ATG5: variants seen among roughly 807,000 people sequenced by gnomAD.
The protein encoded by ATG5 is autophagy related 5.
ATG5 carries 14 observed loss-of-function variants against 36.5 expected under a neutral mutation model. That is an observed-to-expected ratio of 0.38 (90% CI 0.25 to 0.60). The LOEUF (loss-of-function observed/expected upper bound fraction) is 0.60, where lower values mean the gene tolerates loss of function less well. ATG5 is among the 20% of genes least tolerant of loss of function. ATG5 has a pLI of 0.60. For synonymous variants in ATG5, 95 were observed against 101.5 expected (o/e 0.94, Z 0.38); for missense variants, 195 against 326.7 (o/e 0.60, Z 3.11).
chr6:106,210,049 T>A (rs936770915), intron 6 of ATG5, among the ~76,000 whole-genome samples: 1 of 152,202 alleles, frequency 6.6e-6, no homozygotes, highest in African/African-American at 2.4e-5. Context: ...GAAGCACTAG[T>A]CTACAACAAT....
intron 3 of ATG5, among the ~76,000 whole-genome samples, chr6:106,294,454 T>C (rs981340640): frequency 2.0e-5 from 3 of 151,488 alleles, no homozygotes; most frequent in African/African-American, 7.3e-5. Context: ...ATATATAATT[T>C]ATGCTTGCTT....
rs1179916612 is a variant in ATG5, at chr6:106,184,880, C to T, written c.*1660G>A. 6.6e-6 allele frequency: 1 copy of T among 152,268 alleles called. No individual in the cohort carries two copies. The highest frequency in any genetic ancestry group is 1.5e-5 in the Non-Finnish European group (1 of 67,998). The allele number at this position is 152,268 out of a possible 1,614,324, so 9.4% of individuals were successfully genotyped here. On this transcript the variant is annotated 3_prime_UTR_variant, in exon 8 of 8. Coordinates refer to ENST00000369076, the MANE Select transcript of ATG5 (RefSeq NM_004849.4). ...CAAGGGGGAAAATCCCCAAAATGAACCGACGAATAAACACTCTTAATGTGA... is the reference window on the plus strand; with the variant it reads ...CAAGGGGGAAAATCCCCAAAATGAATCGACGAATAAACACTCTTAATGTGA...
intron 6 of ATG5, among the ~76,000 whole-genome samples, chr6:106,214,941 T>C (rs185310810): frequency 6.6e-6 from 1 of 152,098 alleles, no homozygotes; most frequent in African/African-American, 2.4e-5. Context: ...TTCTCTAAAA[T>C]TTTCTCCCAA....
intron 7 of ATG5, among the ~76,000 whole-genome samples, chr6:106,200,747 T>C (rs1776397119): frequency 6.6e-6 from 1 of 152,200 alleles, no homozygotes; most frequent in Admixed American, 6.5e-5. Context: ...CCCAAAGTGC[T>C]AGGATTACGC....
chr6:106,192,886 T>G (rs1229728545), intron 7 of ATG5, among the ~76,000 whole-genome samples: 1 of 152,228 alleles, frequency 6.6e-6, no homozygotes, highest in Non-Finnish European at 1.5e-5. Context: ...AAACACCAAC[T>G]AATTGAATCC....
intron 6 of ATG5, among the ~76,000 whole-genome samples, chr6:106,233,436 C>T (rs2114470872): frequency 6.6e-6 from 1 of 152,332 alleles, no homozygotes; most frequent in East Asian, 1.9e-4. Context: ...AAGGCCCTAA[C>T]CCAAGCCCCA....
intron 6 of ATG5, among the ~76,000 whole-genome samples, chr6:106,215,631 G>T (rs1237262914): frequency 6.6e-6 from 1 of 151,510 alleles, no homozygotes; most frequent in Non-Finnish European, 1.5e-5. Context: ...TATTAAAAAG[G>T]TAACATAGTA....
intron 7 of ATG5, among the ~76,000 whole-genome samples, chr6:106,198,323 C>CT (rs1776282457): frequency 6.6e-6 from 1 of 152,104 alleles, no homozygotes. Flanking sequence ...AGGAAAGAGA[C>CT]TTTTTACTAA....
At chr6:106,324,525 G>A (rs1479308413) in intron 1 of ATG5, among the ~76,000 whole-genome samples, 1 of 152,166 alleles carries the variant, frequency 6.6e-6, no homozygotes, top group East Asian at 1.9e-4. Context: ...TGATGGCAGG[G>A]ATTTTTATTC....
chr6:106,323,186 C>T (rs1771162050), intron 1 of ATG5, among the ~76,000 whole-genome samples: 1 of 151,584 alleles, frequency 6.6e-6, no homozygotes, highest in African/African-American at 2.4e-5. Context: ...ATCCGCCCGC[C>T]TTGGCCTCCC....
intron 7 of ATG5, among the ~76,000 whole-genome samples, chr6:106,187,948 A>G (rs973618855): frequency 3.9e-5 from 6 of 152,336 alleles, no homozygotes; most frequent in Admixed American, 3.9e-4. Context: ...AAACATTCCA[A>G]ACTCCCAAAT....
At chr6:106,223,280 A>AC (rs1482842890) in intron 6 of ATG5, among the ~76,000 whole-genome samples, 1 of 152,248 alleles carries the variant, frequency 6.6e-6, no homozygotes, top group African/African-American at 2.4e-5. Context: ...GTTTTAAAAT[A>AC]TATCTGCTGG....
At chr6:106,247,593 C>T (rs1417953846) in intron 6 of ATG5, among the ~76,000 whole-genome samples, 5 of 152,148 alleles carry the variant, frequency 3.3e-5, no homozygotes, top group African/African-American at 9.7e-5. Context: ...CGTGAGCCCT[C>T]GGTCACAACA....
chr6:106,247,173 A>G (rs1217996037), intron 6 of ATG5, among the ~76,000 whole-genome samples: 1 of 152,212 alleles, frequency 6.6e-6, no homozygotes, highest in Admixed American at 6.5e-5. Flanking sequence ...AAAAATGGCT[A>G]CAAAGAAAGT....
intron 4 of ATG5, among the ~76,000 whole-genome samples, chr6:106,282,492 T>G (rs1356299670): frequency 5.3e-5 from 8 of 152,238 alleles, no homozygotes. Context: ...TGGTTTTTAC[T>G]GTACAATTTT....
intron 6 of ATG5, among the ~76,000 whole-genome samples, chr6:106,210,489 A>G (rs1046603378): frequency 1.3e-5 from 2 of 152,254 alleles, no homozygotes; most frequent in African/African-American, 4.8e-5. Context: ...GAAAAGCTCT[A>G]GAGTCTTTTA....
intron 5 of ATG5, among the ~76,000 whole-genome samples, chr6:106,267,980 A>ATTGACAAATG (rs1392659716): frequency 6.6e-6 from 1 of 152,242 alleles, no homozygotes; most frequent in Non-Finnish European, 1.5e-5. Context: ...AAAAACCAAA[A>ATTGACAAATG]TTGACAAATG....
intron 5 of ATG5, among the ~76,000 whole-genome samples, chr6:106,263,182 G>A (rs933681221): frequency 6.6e-6 from 1 of 152,204 alleles, no homozygotes; most frequent in African/African-American, 2.4e-5. Flanking sequence ...ACATTACTGA[G>A]GCTTTACTAG....
chr6:106,301,716 A>G (rs1446564526), intron 3 of ATG5, among the ~76,000 whole-genome samples: 1 of 152,082 alleles, frequency 6.6e-6, no homozygotes, highest in Non-Finnish European at 1.5e-5. Flanking sequence ...AGATTTTCAG[A>G]TTTGGAATAC....
Sources: allele counts gnomAD v4.1 joint callset (sites outside exome capture counted in the v4.1 genomes callset), GRCh38; gene constraint gnomAD v4.1.1; transcripts MANE v1.5; gene names NCBI Gene and HGNC (gene_info 2026-07-23, HGNC 2026-07-21).